The following TNS3 variants were observed in gnomAD, a reference collection of about 807,000 sequenced individuals.
TNS3 encodes the protein tensin-3.
Under a neutral mutation model 140.9 loss-of-function variants are expected in TNS3, and 45 were observed. The observed-to-expected ratio is 0.32, with a 90% CI of 0.25 to 0.41. The LOEUF (loss-of-function observed/expected upper bound fraction) is 0.41, where lower values mean the gene tolerates loss of function less well. Ranked by LOEUF, TNS3 falls within the 10% of genes least tolerant of loss-of-function variation. The probability of loss-of-function intolerance (pLI) is 1.00; values close to 1 mark genes in which losing one functional copy is unlikely to be tolerated. For synonymous variants in TNS3, 815 were observed against 788.4 expected (o/e 1.03, Z -0.56); for missense variants, 1,716 against 1,906.7 (o/e 0.90, Z 1.86).
intron 2 of TNS3, among the ~76,000 whole-genome samples, chr7:47,527,129 G>A (rs1304635982): frequency 6.6e-6 from 1 of 151,996 alleles, no homozygotes. Context: ...CCCAGCTGCT[G>A]GGGAGGCTGA....
intron 26 of TNS3, 127 bp from the exon 27 acceptor site, chr7:47,292,159 A>G (rs1226811881): frequency 1.1e-6 from 1 of 888,974 alleles, no homozygotes; most frequent in Non-Finnish European, 1.7e-6. Context: ...CAGAGTCAAG[A>G]GTTTCTCTTT....
intron 4 of TNS3, among the ~76,000 whole-genome samples, chr7:47,476,545 T>G (rs2151765410): frequency 6.6e-6 from 1 of 152,300 alleles, no homozygotes; most frequent in East Asian, 1.9e-4. Flanking sequence ...ATTGTCCCTT[T>G]ATAGTTCTAA....
chr7:47,492,085 G>A (rs73695352), intron 3 of TNS3, among the ~76,000 whole-genome samples: 10,628 of 152,298 alleles, frequency 0.07, 1,177 homozygotes, highest in African/African-American at 0.23. Context: ...GGCCTACTGA[G>A]TGGGGACCTT....
chr7:47,530,838 A>AAAAAAAAAAAAAAAAAATATATAT, intron 1 of TNS3, among the ~76,000 whole-genome samples: 2 of 54,562 alleles, frequency 3.7e-5, no homozygotes, highest in East Asian at 9.8e-4. Flanking sequence ...AAAAAAAAAA[A>AAAAAAAAAAAAAAAAAATATATAT]ATATATATAT....
intron 8 of TNS3, among the ~76,000 whole-genome samples, chr7:47,431,066 A>G (rs966939198): frequency 6.6e-6 from 1 of 152,180 alleles, no homozygotes; most frequent in Non-Finnish European, 1.5e-5. Context: ...CTAGAAATCA[A>G]TAACAGGAAG....
rs17544028 is a variant in TNS3 at position 47,396,900 on chromosome 7, G to A, written c.924C>T (p.Ser308=). The stretch of plus-strand genomic sequence containing the variant: ...CACCGTGGTCGTTGTACAAGTGTTC[G>A]GACCCTGCACAGAGCACAGGCAGCA... ...FSATPEKIQG[S]EHLYNDHGVI... is the part of the protein sequence containing the mutation. The change falls in exon 16 of 31, where the codon TCC becomes TCT. Residue 308 remains serine, a synonymous_variant. Coordinates refer to ENST00000311160, the MANE Select transcript of TNS3 (RefSeq NM_022748.12). The A allele has an allele frequency of 0.14, 228,466 of 1,610,650 alleles. 17,209 individuals are homozygous for A. Among genetic ancestry groups the A allele is most frequent in the Admixed American group, 0.18 (10,529 of 59,996 alleles).
intron 2 of TNS3, among the ~76,000 whole-genome samples, chr7:47,522,579 T>G (rs1196737009): frequency 6.6e-6 from 1 of 152,184 alleles, no homozygotes; most frequent in African/African-American, 2.4e-5. Flanking sequence ...AAAAAGCTAA[T>G]GAAAACAATC....
At chr7:47,408,458 A>G (rs952854815) in intron 13 of TNS3, among the ~76,000 whole-genome samples, 16 of 143,560 alleles carry the variant, frequency 1.1e-4, no homozygotes, top group East Asian at 2.4e-4. Context: ...GAGAGGGCCT[A>G]TGGGGTGGGT....
chr7:47,311,918 C>G (rs1787126797), intron 20 of TNS3, among the ~76,000 whole-genome samples: 1 of 152,170 alleles, frequency 6.6e-6, no homozygotes, highest in Non-Finnish European at 1.5e-5. Flanking sequence ...GTCTGAAACA[C>G]AGTGCCTTGT....
intron 25 of TNS3, among the ~76,000 whole-genome samples, chr7:47,293,369 A>G (rs1417642717): frequency 6.6e-6 from 1 of 152,158 alleles, no homozygotes; most frequent in East Asian, 1.9e-4. Flanking sequence ...TTTGCAGGGA[A>G]GGGAGGGTGC....
intron 16 of TNS3, among the ~76,000 whole-genome samples, chr7:47,376,116 T>C (rs1268155889): frequency 6.6e-6 from 1 of 152,232 alleles, no homozygotes; most frequent in African/African-American, 2.4e-5. Context: ...TTGCTATGAT[T>C]GCTAGTCATA....
At chr7:47,374,892 G>A (rs1012347560) in intron 16 of TNS3, among the ~76,000 whole-genome samples, 2 of 152,128 alleles carry the variant, frequency 1.3e-5, no homozygotes, top group Non-Finnish European at 2.9e-5. Flanking sequence ...GCAGGGTGAG[G>A]AGCCCCCACC....
intron 4 of TNS3, among the ~76,000 whole-genome samples, chr7:47,473,812 A>G (rs531624482): frequency 6.6e-6 from 1 of 152,286 alleles, no homozygotes; most frequent in South Asian, 2.1e-4. Context: ...TACAGGTGGA[A>G]AGTGTGGGTG....
chr7:47,541,361 C>T (rs1799781026), intron 1 of TNS3, among the ~76,000 whole-genome samples: 1 of 152,056 alleles, frequency 6.6e-6, no homozygotes, highest in South Asian at 2.1e-4. Flanking sequence ...CCAGTGCACA[C>T]ACACACATGC....
intron 17 of TNS3, among the ~76,000 whole-genome samples, chr7:47,358,657 G>C (rs1037470362): frequency 2.0e-5 from 3 of 152,238 alleles, no homozygotes; most frequent in African/African-American, 7.2e-5. Flanking sequence ...TGGGTGCACA[G>C]AGAGGGCTCA....
At chr7:47,377,454 C>T (rs1198139586) in intron 16 of TNS3, among the ~76,000 whole-genome samples, 1 of 152,100 alleles carries the variant, frequency 6.6e-6, no homozygotes, top group Non-Finnish European at 1.5e-5. Context: ...AAGAGTGGGG[C>T]TGCAAAGGGT....
At chr7:47,296,855 C>T (rs1366669509) in intron 24 of TNS3, among the ~76,000 whole-genome samples, 1 of 151,794 alleles carries the variant, frequency 6.6e-6, no homozygotes, top group African/African-American at 2.4e-5. Context: ...AATTTTTGAA[C>T]AATGAAATGG....
chr7:47,544,812 C>T (rs900345594), intron 1 of TNS3, among the ~76,000 whole-genome samples: 3 of 152,066 alleles, frequency 2.0e-5, no homozygotes, highest in East Asian at 1.9e-4. Context: ...CCCACCTATT[C>T]TAACCGAAAA....
At chr7:47,487,997 C>A (rs1052709040) in intron 3 of TNS3, among the ~76,000 whole-genome samples, 2 of 152,072 alleles carry the variant, frequency 1.3e-5, no homozygotes, top group Non-Finnish European at 2.9e-5. Context: ...CAGGACCTTA[C>A]GATATAATTG....
Sources: allele counts gnomAD v4.1 joint callset (sites outside exome capture counted in the v4.1 genomes callset), GRCh38; gene constraint gnomAD v4.1.1; transcripts MANE v1.5; gene names NCBI Gene and HGNC (gene_info 2026-07-23, HGNC 2026-07-21).